Variants in TUBGCP6 observed in about 807,000 individuals in gnomAD.
TUBGCP6 encodes gamma-tubulin complex component 6.
Under a neutral mutation model 175.8 loss-of-function variants are expected in TUBGCP6, and 161 were observed. That is an observed-to-expected ratio of 0.92 (90% CI 0.81 to 1.04). The LOEUF (loss-of-function observed/expected upper bound fraction) is 1.04, where lower values mean the gene tolerates loss of function less well. Among genes scored for constraint, TUBGCP6 ranks in the 50% least tolerant of loss-of-function variants. The probability of loss-of-function intolerance (pLI) is 0.00; values close to 1 mark genes in which losing one functional copy is unlikely to be tolerated. For synonymous variants in TUBGCP6, 1,173 were observed against 1,030.5 expected, an observed-to-expected ratio of 1.14 and a Z score of -2.65; for missense variants, 2,572 against 2,433.0, an observed-to-expected ratio of 1.06 and a Z score of -1.20.
At chr22:50,229,048 A>G (rs1376045062) in intron 4 of TUBGCP6, among the ~76,000 whole-genome samples, 1 of 152,146 alleles carries the variant, frequency 6.6e-6, no homozygotes, top group Non-Finnish European at 1.5e-5. Context: ...ACCCAACAGG[A>G]GGGCCCTGCG....
At chr22:50,224,089 A>G in intron 13 of TUBGCP6, 52 bp downstream of exon 13, 1 of 1,498,906 alleles carries the variant, frequency 6.7e-7, no homozygotes, top group Non-Finnish European at 9.2e-7. Flanking sequence ...AGCCAGAGCT[A>G]TGGGGCCCCT....
intron 16 of TUBGCP6, 38 bp downstream of exon 16, chr22:50,220,213 A>G: frequency 1.3e-6 from 2 of 1,546,076 alleles, no homozygotes; most frequent in South Asian, 1.2e-5. Flanking sequence ...TGTGCGTCCC[A>G]CAGTCCCACT....
rs751085425 is a variant in TUBGCP6, at chr22:50,218,174, C to T, written c.5168+15G>A. On this transcript the variant is annotated intron_variant, in intron 23 of 24. Transcript: ENST00000248846. ...AGCCGTGACCACAGGGACGCAGCCG[C>T]TGCCCAGGCCTCACCTGAAGACGGC... The T allele has an allele frequency of 1.9e-6, 3 of 1,610,104 alleles. No individual in the cohort carries two copies. The highest frequency in any genetic ancestry group is 2.2e-5 in the East Asian group (1 of 44,828).
chr22:50,233,258 G>A, intron 3 of TUBGCP6, 58 bp downstream of exon 3: 1 of 1,572,640 alleles, frequency 6.4e-7, no homozygotes, highest in African/African-American at 1.4e-5. Context: ...GCTGGGCACT[G>A]CGTGGTGGAG....
chr22:50,228,032 T>G lies in TUBGCP6; in HGVS notation c.1291-4A>C, dbSNP rs1177278678. ...TCCTCAGGCCACTGGTGAAGGCCTG[T>G]GGGCAAAGAGGCTGGGAGGAGGGCG... On this transcript the variant is annotated splice_region_variant and splice_polypyrimidine_tract_variant and intron_variant, in intron 4 of 24. Transcript: ENST00000248846. 6.5e-7 allele frequency: 1 copy of G among 1,542,380 alleles called. No individual in the cohort carries two copies. The highest frequency in any genetic ancestry group is 1.2e-5 in the South Asian group (1 of 82,046).
rs34562250 is a variant in TUBGCP6, at chr22:50,218,796, G to A, written c.4728C>T (p.His1576=). 2.4e-3 allele frequency: 3,940 copies of A among 1,614,104 alleles called. 51 individuals carry two copies. The African/African-American group carries it at 0.034, about 14-fold the overall frequency. Residue 1576 remains histidine (H), a synonymous_variant, in exon 21 of 25, where the codon CAC becomes CAT. Coordinates refer to ENST00000248846, the MANE Select transcript of TUBGCP6 (RefSeq NM_020461.4). The stretch of plus-strand genomic sequence containing the variant: ...TGAGAGCGAGGGAGAGGTTGGAGGC[G>A]TGCGGGGTGTCCCCATGCAGGCTGC... ...LQCSLHGDTP[H]ASNLSLALKY...
chr22:50,223,008 C>T (rs2064552756), intron 13 of TUBGCP6: 1 of 163,668 alleles, frequency 6.1e-6, no homozygotes, highest in South Asian at 1.8e-4. Context: ...AACACAAACG[C>T]TTTATTTGCT....
At position 50,227,065 on chromosome 22, in the gene TUBGCP6, C is replaced by T; in HGVS notation, c.1425G>A (p.Glu475=). The T allele has an allele frequency of 6.2e-7, 1 of 1,611,490 alleles. No homozygotes were observed. Among genetic ancestry groups the T allele is most frequent in the Non-Finnish European group, 8.5e-7 (1 of 1,179,214 alleles). ...KLGRQLRYLA[E]LCGVGAVLPG... is the part of the protein sequence containing the mutation. ...GGAGCACAGCGCCAACGCCACAGAG[C>T]TCGGCCAGGTACCTAGACCCAGAGG... The change falls in exon 6 of 25, where the codon GAG becomes GAA. Residue 475 remains glutamate (E), a synonymous_variant. Transcript: ENST00000248846.
intron 4 of TUBGCP6, 33 bp from the exon 5 acceptor site, chr22:50,228,061 A>G (rs1293075942): frequency 2.0e-6 from 3 of 1,508,840 alleles, no homozygotes; most frequent in Admixed American, 4.3e-5. Flanking sequence ...GAGGGCGGCC[A>G]GGCACATGGA....
intron 14 of TUBGCP6, 123 bp downstream of exon 14, chr22:50,222,331 G>A (rs2064540763): frequency 7.0e-7 from 1 of 1,434,684 alleles, no homozygotes; most frequent in Non-Finnish European, 9.5e-7. Context: ...AGAGTGCTCT[G>A]CCGCAAACGC....
Position 50,217,996 on chromosome 22 carries a change from C to T in TUBGCP6, c.5290G>A (p.Gly1764Ser). ...AGTGCAAAGTTGGGGTGCTCTGCACCCCGCGGGCCCCCAGGGGGCCCCCAG... is the reference window on the plus strand; with the variant it reads ...AGTGCAAAGTTGGGGTGCTCTGCACTCCGCGGGCCCCCAGGGGGCCCCCAG... ...QAWGPPGGPR[G>S]AEHPNFALMQ... The change falls in exon 24 of 25, where the codon GGT becomes AGT. Residue 1764 changes from glycine to serine, a missense_variant. Coordinates refer to ENST00000248846, the MANE Select transcript of TUBGCP6 (RefSeq NM_020461.4). 1 of 1,611,552 alleles carries T rather than the reference C, an allele frequency of 6.2e-7. No individual in the cohort carries two copies. The highest frequency in any genetic ancestry group is 8.5e-7 in the Non-Finnish European group (1 of 1,179,390).
chr22:50,242,607 T>C (rs1289314001), intron 1 of TUBGCP6, among the ~76,000 whole-genome samples: 1 of 152,244 alleles, frequency 6.6e-6, no homozygotes, highest in African/African-American at 2.4e-5. Context: ...CAATGTATCC[T>C]TTTGGCAACA....
At chr22:50,223,957 G>A (rs1235445071) in intron 13 of TUBGCP6, 184 bp downstream of exon 13, 6 of 611,700 alleles carry the variant, frequency 9.8e-6, no homozygotes, top group East Asian at 8.3e-5. Context: ...GCGCAGAACA[G>A]CTAAGGATGC....
rs544495623 is a variant in TUBGCP6, at chr22:50,226,595, C to T, written c.1601+138G>A. On this transcript the variant is annotated intron_variant, in intron 7 of 24. Transcript: ENST00000248846. ...TGGGGGCAGGGTGGGGGGTTGGGGGCTCCTGCCCAGTCCACCTATCCTGCC... is the reference window on the plus strand; with the variant it reads ...TGGGGGCAGGGTGGGGGGTTGGGGGTTCCTGCCCAGTCCACCTATCCTGCC... 9.6e-4 allele frequency: 784 copies of T among 819,314 alleles called. 8 individuals carry two copies. In the African/African-American group the frequency reaches 0.012, roughly 12 times the overall value. 50.8% of individuals were successfully genotyped at this position (819,314 alleles called of 1,614,324 possible). A position where few individuals can be genotyped will look rare whatever the true frequency, so the allele number is the denominator to read the frequency against.
intron 4 of TUBGCP6, 74 bp downstream of exon 4, chr22:50,229,330 C>A: frequency 6.5e-7 from 1 of 1,529,970 alleles, no homozygotes; most frequent in Non-Finnish European, 8.9e-7. Flanking sequence ...AGAAGGACCT[C>A]TGAGATTCTC....
At position 50,220,482 on chromosome 22, in the gene TUBGCP6, G is replaced by A; in HGVS notation, c.3877C>T (p.Pro1293Ser). ...GTGTGGCCAGGGGGGCTCTGTTGGG[G>A]CCTGGGTGTGTTGGGCTCAGCTTCT... ...SPEAEPNTPR[P>S]QQSPPGHTSQ... Residue 1293 changes from proline to serine, a missense_variant, in exon 16 of 25, where the codon CCC (proline) becomes TCC (serine). By Grantham distance (74) the Pro-to-Ser change is moderately conservative. Transcript: ENST00000248846. The A allele has an allele frequency of 1.9e-6, 3 of 1,613,294 alleles. No homozygotes were observed. The highest frequency in any genetic ancestry group is 1.7e-4 in the Middle Eastern group (1 of 6,060).
chr22:50,227,751 C>T (rs1022654131), intron 5 of TUBGCP6, among the ~76,000 whole-genome samples, 156 bp downstream of exon 5: 1 of 152,212 alleles, frequency 6.6e-6, no homozygotes, highest in African/African-American at 2.4e-5. Flanking sequence ...CACCGGGCAC[C>T]TGGTGAACTC....
intron 2 of TUBGCP6, among the ~76,000 whole-genome samples, chr22:50,235,318 G>GCCTGTCCATGGCAACATCCACATGCCTA: frequency 8.2e-5 from 1 of 12,198 alleles, no homozygotes; most frequent in South Asian, 5.8e-3. Context: ...CCACATGCCT[G>GCCTGTCCATGGCAACATCCACATGCCTA]TCCACAGCAG....
Position 50,244,678 on chromosome 22 carries a change from C to T in TUBGCP6, c.-219G>A. 4 of 674,654 alleles carry T rather than the reference C, an allele frequency of 5.9e-6. No homozygotes were observed. The highest frequency in any genetic ancestry group is 1.8e-5 in the African/African-American group (1 of 55,114). The allele number at this position is 674,654 out of a possible 1,614,324, so 41.8% of individuals were successfully genotyped here. On this transcript the variant is annotated 5_prime_UTR_variant, in exon 1 of 25. Coordinates refer to ENST00000248846, the MANE Select transcript of TUBGCP6 (RefSeq NM_020461.4). ...GCCCTCCCCAGTCCAAGCACGCTGCCCGGCGCCCGGCAGCCCACCAGAAGC... is the reference window on the plus strand; with the variant it reads ...GCCCTCCCCAGTCCAAGCACGCTGCTCGGCGCCCGGCAGCCCACCAGAAGC...
Sources: gnomAD v4.1 joint callset for allele counts (sites outside exome capture counted in the v4.1 genomes callset) on GRCh38, gnomAD v4.1.1 for gene constraint, MANE v1.5 for transcripts, NCBI Gene and HGNC (gene_info 2026-07-23, HGNC 2026-07-21) for gene names.